FN1: variants seen among roughly 807,000 people sequenced by gnomAD.
FN1 encodes fibronectin.
In FN1, 106 loss-of-function variants were observed where a neutral mutation model predicts 297.3. The ratio of observed to expected loss-of-function variants is 0.36; its 90% confidence interval spans 0.30 to 0.42. The LOEUF is 0.42. FN1 is among the 10% of genes least tolerant of loss of function. FN1 has a pLI of 1.00. For missense variants in FN1, 2,690 were observed against 3,124.9 expected, an observed-to-expected ratio of 0.86 and a Z score of 3.32; for synonymous variants, 1,149 against 1,152.6, an observed-to-expected ratio of 1.00 and a Z score of 0.06.
chr2:215,420,315 G>A (rs7595740), intron 11 of FN1, among the ~76,000 whole-genome samples: 50,531 of 151,258 alleles, frequency 0.33, 9,786 homozygotes, highest in South Asian at 0.51. Flanking sequence ...TCCAGCCTGG[G>A]CAACAAGAGC....
Position 215,391,738 on chromosome 2 carries a change from T to G in FN1, c.4146A>C (p.Pro1382=). Residue 1382 remains proline, a synonymous_variant, in exon 26 of 46, where the codon CCA becomes CCC. Coordinates refer to ENST00000354785, the MANE Select transcript of FN1 (RefSeq NM_212482.4). ...DTMRVTWAPP[P]SIDLTNFLVR... Reference sequence around the variant, plus strand: ...CCAGGAAGTTGGTTAAATCAATGGATGGGGGTGGAGCCCAGGTGACACGCA... The same window carrying G: ...CCAGGAAGTTGGTTAAATCAATGGAGGGGGGTGGAGCCCAGGTGACACGCA... 1 of 1,614,158 alleles carries G rather than the reference T, an allele frequency of 6.2e-7. No individual in the cohort carries two copies. The highest frequency in any genetic ancestry group is 8.5e-7 in the Non-Finnish European group (1 of 1,180,018).
chr2:215,408,327 C>G lies in FN1; in HGVS notation c.2399G>C (p.Ser800Thr). The G allele has an allele frequency of 6.2e-7, 1 of 1,614,184 alleles. No individual in the cohort carries two copies. Among genetic ancestry groups the G allele is most frequent in the Non-Finnish European group, 8.5e-7 (1 of 1,180,018 alleles). ...TGTTTGTGAAGTAGACAGGATCAAACTCTGCTCCCCATCCTCAGATATCTG... is the reference window on the plus strand; with the variant it reads ...TGTTTGTGAAGTAGACAGGATCAAAGTCTGCTCCCCATCCTCAGATATCTG... ...VYQISEDGEQ[S>T]LILSTSQTTA... The change falls in exon 16 of 46, where the codon AGT becomes ACT. Residue 800 changes from serine (S) to threonine (T), a missense_variant. Physicochemically the swap from Ser to Thr is moderately conservative, Grantham distance 58. Coordinates refer to ENST00000354785, the MANE Select transcript of FN1 (RefSeq NM_212482.4).
At chr2:215,416,425 T>C (rs1194159224) in intron 12 of FN1, among the ~76,000 whole-genome samples, 1 of 152,198 alleles carries the variant, frequency 6.6e-6, no homozygotes, top group African/African-American at 2.4e-5. Context: ...CTTCTGTTTA[T>C]GAAGATCCTT....
chr2:215,421,051 A>T (rs1227540497), intron 10 of FN1: 5 of 456,676 alleles, frequency 1.1e-5, no homozygotes, highest in African/African-American at 9.9e-5. Flanking sequence ...TCAAGTAAAG[A>T]ATGTGGTAAA....
intron 12 of FN1, among the ~76,000 whole-genome samples, chr2:215,415,669 T>C (rs1438696953): frequency 6.6e-6 from 1 of 152,150 alleles, no homozygotes; most frequent in African/African-American, 2.4e-5. Context: ...AGAAATGACT[T>C]TATGAAGTGT....
intron 42 of FN1, among the ~76,000 whole-genome samples, chr2:215,366,470 C>A (rs2054627486): frequency 6.6e-6 from 1 of 152,080 alleles, no homozygotes; most frequent in Non-Finnish European, 1.5e-5. Flanking sequence ...TAAAATAAAA[C>A]AAAAGCAAAC....
Position 215,383,338 on chromosome 2 carries a change from A to T in FN1, c.5040T>A (p.Thr1680=), listed in dbSNP as rs757568602. 8 of 1,614,104 alleles carry T rather than the reference A, an allele frequency of 5.0e-6. No individual in the cohort carries two copies. In the South Asian group the frequency reaches 7.7e-5, roughly 16 times the overall value. ...KNGPGPTKTK[T]AGPDQTEMTI... ...GCAGATGATTCTTACCTGGACCTGCAGTTTTAGTTTTTGTTGGTCCTGGTC... is the reference window on the plus strand; with the variant it reads ...GCAGATGATTCTTACCTGGACCTGCTGTTTTAGTTTTTGTTGGTCCTGGTC... The change falls in exon 31 of 46, where the codon ACT becomes ACA. Residue 1680 remains threonine (T), a synonymous_variant. Transcript: ENST00000354785.
At chr2:215,381,192 T>G in intron 32 of FN1, 112 bp from the exon 33 acceptor site, 2 of 1,041,116 alleles carry the variant, frequency 1.9e-6, no homozygotes, top group Non-Finnish European at 3.0e-6. Context: ...TGAAGTCCAA[T>G]TAACCCACTA....
intron 3 of FN1, among the ~76,000 whole-genome samples, 178 bp from the exon 4 acceptor site, chr2:215,432,142 G>A (rs1559611512): frequency 6.6e-6 from 1 of 152,150 alleles, no homozygotes; most frequent in Non-Finnish European, 1.5e-5. Context: ...ATTCAGTTAA[G>A]TGTCTTGCTT....
rs567063288 is a variant in FN1 at position 215,404,714 on chromosome 2, A to G, written c.2987-59T>C. ...TTAGATCAGTAATGATCATAACTCA[A>G]GTCCTGAAACTTGATTGAATGTCTA... On this transcript the variant is annotated intron_variant, in intron 19 of 45. Transcript: ENST00000354785. 159 of 1,486,884 alleles carry G rather than the reference A, an allele frequency of 1.1e-4. No individual in the cohort carries two copies. The South Asian group carries it at 1.8e-3, about 16-fold the overall frequency. The allele number at this position is 1,486,884 out of a possible 1,614,324, so 92.1% of individuals were successfully genotyped here.
intron 9 of FN1, 38 bp from the exon 10 acceptor site, chr2:215,422,281 A>G (rs1338527109): frequency 6.3e-7 from 1 of 1,597,736 alleles, no homozygotes; most frequent in Middle Eastern, 1.7e-4. Flanking sequence ...TTGATAAATG[A>G]TCACCAGGTC....
At chr2:215,425,326 G>A (rs2065140617) in intron 6 of FN1, 41 bp from the exon 7 acceptor site, 3 of 1,585,838 alleles carry the variant, frequency 1.9e-6, no homozygotes, top group East Asian at 2.2e-5. Flanking sequence ...CTGGGTGAGA[G>A]AAGACAATTC....
At chr2:215,401,265 A>AG (rs768825674) in intron 20 of FN1, among the ~76,000 whole-genome samples, 14 of 110,862 alleles carry the variant, frequency 1.3e-4, no homozygotes, top group Non-Finnish European at 2.3e-4. Flanking sequence ...AAAGAAAGGA[A>AG]GGAAAGGAAA....
chr2:215,377,047 TG>T, intron 35 of FN1, among the ~76,000 whole-genome samples: 1 of 142,486 alleles, frequency 7.0e-6, no homozygotes, highest in South Asian at 2.4e-4. Flanking sequence ...ATTTTGTGTG[TG>T]TGTGTGTGTA....
intron 10 of FN1, 89 bp from the exon 11 acceptor site, chr2:215,420,890 C>T: frequency 2.6e-6 from 3 of 1,162,482 alleles, no homozygotes; most frequent in Non-Finnish European, 3.9e-6. Flanking sequence ...CATACAACTA[C>T]TTCCACTTAA....
At chr2:215,366,495 T>G (rs1044432307) in intron 42 of FN1, among the ~76,000 whole-genome samples, 1 of 152,198 alleles carries the variant, frequency 6.6e-6, no homozygotes, top group East Asian at 1.9e-4. Flanking sequence ...TGCTAAATCA[T>G]TGGTTATTAT....
At chr2:215,386,260 A>C (rs1223160609) in intron 28 of FN1, among the ~76,000 whole-genome samples, 3 of 151,724 alleles carry the variant, frequency 2.0e-5, no homozygotes, top group African/African-American at 7.3e-5. Flanking sequence ...TATATTTAGT[A>C]GAGATGGGGT....
intron 43 of FN1, 69 bp from the exon 44 acceptor site, chr2:215,365,054 G>T (rs2054259160): frequency 9.7e-7 from 1 of 1,029,696 alleles, no homozygotes; most frequent in East Asian, 2.6e-5. Flanking sequence ...TCTAGGGGTG[G>T]GTTCTATTTC....
chr2:215,395,153 C>T (rs923208756), intron 23 of FN1, among the ~76,000 whole-genome samples: 1 of 152,082 alleles, frequency 6.6e-6, no homozygotes, highest in Non-Finnish European at 1.5e-5. Flanking sequence ...AGTATAGAAT[C>T]GCTCTCCACC....
Sources: allele counts gnomAD v4.1 joint callset (sites outside exome capture counted in the v4.1 genomes callset), GRCh38; gene constraint gnomAD v4.1.1; transcripts MANE v1.5; gene names NCBI Gene and HGNC (gene_info 2026-07-23, HGNC 2026-07-21).